Variants in SVEP1 observed in about 807,000 individuals in gnomAD.
SVEP1 encodes the protein sushi, von Willebrand factor type A, EGF and pentraxin domain containing 1.
In SVEP1, 164 loss-of-function variants were observed where a neutral mutation model predicts 367.3. That is an observed-to-expected ratio of 0.45 (90% CI 0.39 to 0.51). The LOEUF is 0.51. Ranked by LOEUF, SVEP1 falls within the 20% of genes least tolerant of loss-of-function variation. The probability of loss-of-function intolerance (pLI) is 0.00; values close to 1 mark genes in which losing one functional copy is unlikely to be tolerated. For synonymous variants in SVEP1, 1,666 were observed against 1,611.6 expected, an observed-to-expected ratio of 1.03 and a Z score of -0.81; for missense variants, 4,117 against 4,425.3, an observed-to-expected ratio of 0.93 and a Z score of 1.98.
chr9:110,443,147 A>G lies in SVEP1; in HGVS notation c.4639+398T>C, dbSNP rs1263318780. On this transcript the variant is annotated intron_variant, in intron 27 of 47. Coordinates refer to ENST00000374469, the MANE Select transcript of SVEP1 (RefSeq NM_153366.4). ...TATTAAAAAGTATTTTTTAGAAGAC[A>G]AGCCAAGATCTATTTGAAAAGGGCC... 4 of 157,814 alleles carry G rather than the reference A, an allele frequency of 2.5e-5. No individual in the cohort carries two copies. The East Asian group carries it at 7.4e-4, about 29-fold the overall frequency. 9.8% of individuals were successfully genotyped at this position (157,814 alleles called of 1,614,324 possible).
At chr9:110,551,793 G>A (rs182874045) in intron 1 of SVEP1, among the ~76,000 whole-genome samples, 84 of 152,242 alleles carry the variant, frequency 5.5e-4, no homozygotes, top group African/African-American at 2.0e-3. Flanking sequence ...GAGAGGAAGA[G>A]GGAAAGAGTT....
At chr9:110,504,932 C>G (rs1013853029) in intron 5 of SVEP1, among the ~76,000 whole-genome samples, 1 of 152,104 alleles carries the variant, frequency 6.6e-6, no homozygotes, top group African/African-American at 2.4e-5. Flanking sequence ...CACATTTCCC[C>G]GGCCAGAGAA....
Position 110,400,870 on chromosome 9 carries a change from G to C in SVEP1, c.9806C>G (p.Pro3269Arg). Residue 3269 changes from proline to arginine, a missense_variant, in exon 40 of 48, where the codon CCT (proline) becomes CGT (arginine). By Grantham distance (103) the Pro-to-Arg change is moderately radical. Coordinates refer to ENST00000374469, the MANE Select transcript of SVEP1 (RefSeq NM_153366.4). ...TTCGCTTACCTCTAGTTCATAGCCA[G>C]GCTCACACTGATAAATAATTGTGCT... ...FESTIIYQCEPGYELEGNRER... is the reference protein window; with the variant it reads ...FESTIIYQCERGYELEGNRER... 6.2e-7 allele frequency: 1 copy of C among 1,613,606 alleles called. No individual in the cohort carries two copies.
rs1226862962 is a variant in SVEP1, at chr9:110,399,281, T to G, written c.9822+1573A>C. Among the ~76,000 whole-genome samples, 4 of 145,626 alleles carry G rather than the reference T, an allele frequency of 2.7e-5. No individual in the cohort carries two copies. In the East Asian group the frequency reaches 6.1e-4, roughly 22 times the overall value. On this transcript the variant is annotated intron_variant, in intron 40 of 47. Coordinates refer to ENST00000374469, the MANE Select transcript of SVEP1 (RefSeq NM_153366.4). ...AACACTGCATGTTCTCACTCATAGG[T>G]GAGAATTGAACAATGAGAACACATG...
At chr9:110,493,738 CA>C (rs1829405072) in intron 8 of SVEP1, among the ~76,000 whole-genome samples, 1 of 151,994 alleles carries the variant, frequency 6.6e-6, no homozygotes, top group African/African-American at 2.4e-5. Context: ...CTCAAACAAA[CA>C]AACAATCAAA....
chr9:110,569,317 A>G (rs7872114), intron 1 of SVEP1, among the ~76,000 whole-genome samples: 92,139 of 151,658 alleles, frequency 0.61, 28,421 homozygotes, highest in East Asian at 0.91. Context: ...TTAGCTGAGC[A>G]TGGTGGTGCA....
At chr9:110,512,804 T>TTCTGTAGG (rs1829740794) in intron 5 of SVEP1, 122 bp downstream of exon 5, 1 of 1,160,588 alleles carries the variant, frequency 8.6e-7, no homozygotes, top group African/African-American at 1.5e-5. Context: ...ATTTTTCTCT[T>TTCTGTAGG]TCTGTAGTAT....
chr9:110,575,352 G>A (rs977886853), intron 1 of SVEP1, among the ~76,000 whole-genome samples: 1 of 152,150 alleles, frequency 6.6e-6, no homozygotes, highest in African/African-American at 2.4e-5. Flanking sequence ...CCCCGGGCAA[G>A]TCTGGCCAAG....
chr9:110,402,835 A>G lies in SVEP1; in HGVS notation c.9666+1492T>C, dbSNP rs558775684. On this transcript the variant is annotated intron_variant, in intron 39 of 47. Coordinates refer to ENST00000374469, the MANE Select transcript of SVEP1 (RefSeq NM_153366.4). ...TTGAAGGCAAGTTAATAATTTGGCA[A>G]TTATTTAACTTGTTCCCCCTAATGT... Among the ~76,000 whole-genome samples the G allele has an allele frequency of 1.5e-4, 23 of 152,306 alleles. No individual in the cohort carries two copies. In the South Asian group the frequency reaches 3.7e-3, roughly 25 times the overall value.
At chr9:110,383,884 G>T (rs964353983) in intron 43 of SVEP1, among the ~76,000 whole-genome samples, 1 of 152,104 alleles carries the variant, frequency 6.6e-6, no homozygotes, top group East Asian at 1.9e-4. Context: ...GTCTGGCCAC[G>T]ATCTGTCACA....
At position 110,429,315 on chromosome 9, in the gene SVEP1, G is replaced by C; in HGVS notation, c.5635C>G (p.Leu1879Val). Residue 1879 changes from leucine (L) to valine (V), a missense_variant, in exon 35 of 48, where the codon CTG (leucine) becomes GTG (valine). By Grantham distance (32) the Leu-to-Val change is conservative. Coordinates refer to ENST00000374469, the MANE Select transcript of SVEP1 (RefSeq NM_153366.4). ...VTYRCNKGYT[L>V]AGDKESSCLA... ...CAGGATGATTCTTTATCACCGGCCA[G>C]AGTATATCCTTTATTACACCTAAAG... The C allele has an allele frequency of 6.4e-7, 1 of 1,571,336 alleles. No homozygotes were observed. Among genetic ancestry groups the C allele is most frequent in the South Asian group, 1.2e-5 (1 of 83,584 alleles).
chr9:110,547,191 C>T (rs989134929), intron 2 of SVEP1, among the ~76,000 whole-genome samples: 4 of 152,050 alleles, frequency 2.6e-5, no homozygotes, highest in Non-Finnish European at 5.9e-5. Context: ...GGGAAGATTC[C>T]AGCCCCAAGG....
At chr9:110,399,906 G>T (rs1827830202) in intron 40 of SVEP1, among the ~76,000 whole-genome samples, 1 of 152,134 alleles carries the variant, frequency 6.6e-6, no homozygotes, top group Non-Finnish European at 1.5e-5. Flanking sequence ...ATGACAACAT[G>T]GTGTAATGTA....
At chr9:110,395,100 G>C (rs1296914443) in intron 40 of SVEP1, among the ~76,000 whole-genome samples, 3 of 152,202 alleles carry the variant, frequency 2.0e-5, no homozygotes, top group Non-Finnish European at 4.4e-5. Flanking sequence ...AGCAGCCAGA[G>C]AGAAAGGTCA....
At chr9:110,479,132 C>T (rs1829146020) in intron 13 of SVEP1, among the ~76,000 whole-genome samples, 1 of 152,050 alleles carries the variant, frequency 6.6e-6, no homozygotes, top group Admixed American at 6.5e-5. Flanking sequence ...GTTGGCCAGG[C>T]TGGTCTCGAA....
chr9:110,508,572 G>A (rs914739567), intron 5 of SVEP1, among the ~76,000 whole-genome samples: 4 of 151,520 alleles, frequency 2.6e-5, no homozygotes, highest in East Asian at 3.9e-4. Flanking sequence ...CCATCCTGGC[G>A]AACATGGTGA....
chr9:110,457,706 ACT>A (rs1828797014), intron 20 of SVEP1, among the ~76,000 whole-genome samples: 1 of 152,148 alleles, frequency 6.6e-6, no homozygotes, highest in Non-Finnish European at 1.5e-5. Flanking sequence ...TGTCTTAAAA[ACT>A]TGGCCAGGAT....
At chr9:110,485,609 G>A (rs1443733397) in intron 9 of SVEP1, among the ~76,000 whole-genome samples, 1 of 152,030 alleles carries the variant, frequency 6.6e-6, no homozygotes, top group African/African-American at 2.4e-5. Flanking sequence ...TAAAAAGAGG[G>A]TGTATAGAAA....
chr9:110,411,222 A>C lies in SVEP1; in HGVS notation c.6489T>G (p.Ser2163Arg). 6.2e-7 allele frequency: 1 copy of C among 1,613,822 alleles called. No homozygotes were observed. Residue 2163 changes from serine (S) to arginine (R), a missense_variant, in exon 37 of 48, where the codon AGT (serine) becomes AGG (arginine). Coordinates refer to ENST00000374469, the MANE Select transcript of SVEP1 (RefSeq NM_153366.4). ...AGCTGTAAGCCACCATGGCTCCAAA[A>C]CTGTAGTTTGATCCACTTGCATAGC... ...MNGYASGSNY[S>R]FGAMVAYSCN...
Sources: gnomAD v4.1 joint callset for allele counts (sites outside exome capture counted in the v4.1 genomes callset) on GRCh38, gnomAD v4.1.1 for gene constraint, MANE v1.5 for transcripts, NCBI Gene and HGNC (gene_info 2026-07-23, HGNC 2026-07-21) for gene names.